The following WDR20 variants were observed in gnomAD, a reference collection of about 807,000 sequenced individuals.
The protein encoded by WDR20 is WD repeat domain 20.
Under a neutral mutation model 38.7 loss-of-function variants are expected in WDR20, and 3 were observed. The ratio of observed to expected loss-of-function variants is 0.08; its 90% CI spans 0.04 to 0.20. WDR20 has a LOEUF of 0.20. WDR20 is among the 10% of genes least tolerant of loss of function. The probability of loss-of-function intolerance (pLI) is 1.00; values close to 1 mark genes in which losing one functional copy is unlikely to be tolerated. For synonymous variants in WDR20, 298 were observed against 285.6 expected (o/e 1.04, Z -0.44); for missense variants, 559 against 727.7 (o/e 0.77, Z 2.67).
At chr14:102,142,754 C>G (rs2051831827) in intron 1 of WDR20, among the ~76,000 whole-genome samples, 1 of 146,140 alleles carries the variant, frequency 6.8e-6, no homozygotes, top group Admixed American at 6.9e-5. Flanking sequence ...CCATGCCCAG[C>G]GCACAGTTGG....
downstream of WDR20, chr14:102,213,164 C>T (rs991386554): frequency 5.7e-5 from 56 of 985,594 alleles, no homozygotes; most frequent in Non-Finnish European, 6.6e-5. Context: ...GCTGTGACTG[C>T]GATGGGGCAG....
chr14:102,146,509 G>C (rs966467328), intron 1 of WDR20, among the ~76,000 whole-genome samples: 7 of 152,184 alleles, frequency 4.6e-5, no homozygotes. Flanking sequence ...GGGGCCAGAA[G>C]AAGAGTCAGT....
At chr14:102,164,221 C>G (rs991922565) in intron 1 of WDR20, among the ~76,000 whole-genome samples, 2 of 152,150 alleles carry the variant, frequency 1.3e-5, no homozygotes, top group Admixed American at 1.3e-4. Context: ...ACCTTTCTCT[C>G]TCTTCCTCAT....
Position 102,222,825 on chromosome 14 carries a change from T to A in WDR20, c.1693-5T>A, listed in dbSNP as rs1401669985. On this transcript the variant is annotated splice_region_variant and splice_polypyrimidine_tract_variant and intron_variant, in intron 3 of 3. Transcript: ENST00000335263. The surrounding 1 kb of genome is among the most constrained non-coding windows in gnomAD (Gnocchi z 4.4). ...CTGGATTAATGTAGACTGCTTTGTTTGCAGGGCTCATTGTCATCCCCAAGC... is the reference window on the plus strand; with the variant it reads ...CTGGATTAATGTAGACTGCTTTGTTAGCAGGGCTCATTGTCATCCCCAAGC... 6.2e-6 allele frequency: 10 copies of A among 1,614,080 alleles called. No individual in the cohort carries two copies. The highest frequency in any genetic ancestry group is 8.5e-6 in the Non-Finnish European group (10 of 1,180,028).
In WDR20 at chr14:102,207,089, C is replaced by T. The variant is rs1390775975; in HGVS notation, c.433-1514C>T. On this transcript the variant is annotated intron_variant, in intron 2 of 2. Transcript: ENST00000342702. This position sits in a 1 kb window ranked among gnomAD's most constrained non-coding sequence, Gnocchi z 5.0. ...GGGATGAAAATACTGGCTGTGTCCC[C>T]AAGGCTGGCTTGCCACGTGCCTATT... Among the ~76,000 whole-genome samples, 1 of 152,206 alleles carries T rather than the reference C, an allele frequency of 6.6e-6. No homozygotes were observed. Among genetic ancestry groups the T allele is most frequent in the Non-Finnish European group, 1.5e-5 (1 of 68,044 alleles).
Position 102,177,245 on chromosome 14 carries a change from C to T in WDR20, c.250-17693C>T, listed in dbSNP as rs2062357141. ...TTCACACACTTGTTTATCTATTTGT[C>T]TCACTCTTTTCTCAAGTGCCTTCCC... On this transcript the variant is annotated intron_variant, in intron 1 of 2. Transcript: ENST00000342702. 2.0e-5 allele frequency among the ~76,000 whole-genome samples: 3 copies of T among 152,344 alleles called. No homozygotes were observed. In the South Asian group the frequency reaches 6.2e-4, roughly 32 times the overall value.
intron 2 of WDR20, among the ~76,000 whole-genome samples, chr14:102,205,210 GTGA>G (rs2152996232): frequency 6.6e-6 from 1 of 151,778 alleles, no homozygotes; most frequent in Non-Finnish European, 1.5e-5. Flanking sequence ...GCAGTGAGCC[GTGA>G]TTGCACCACT....
At chr14:102,194,906 T>C in intron 1 of WDR20, 32 bp from the exon 2 acceptor site, 1 of 1,605,910 alleles carries the variant, frequency 6.2e-7, no homozygotes, top group South Asian at 1.1e-5. Flanking sequence ...AATGTGCTGT[T>C]TACTGTATGT....
chr14:102,173,540 T>A (rs1177377667), intron 1 of WDR20, among the ~76,000 whole-genome samples: 1 of 151,486 alleles, frequency 6.6e-6, no homozygotes, highest in Non-Finnish European at 1.5e-5. Flanking sequence ...AATTCTTCAG[T>A]GGTGATTTCC....
At position 102,158,911 on chromosome 14, in the gene WDR20, CA is replaced by C. The variant is rs569360846; in HGVS notation, c.249+18740del. Among the ~76,000 whole-genome samples, 89 of 152,136 alleles carry C rather than the reference CA, an allele frequency of 5.9e-4. No homozygotes were observed. In the South Asian group the frequency reaches 0.013, roughly 22 times the overall value. ...GTTTCTCTCATTTTAAAACAGTTGT[CA>C]GGGGGAGAGACTCTTTCTGACACCC... On this transcript the variant is annotated intron_variant, in intron 1 of 2. Coordinates refer to ENST00000342702, the MANE Select transcript of WDR20 (RefSeq NM_144574.4).
At position 102,210,104 on chromosome 14, in the gene WDR20, G is replaced by T. The variant is rs140251198; in HGVS notation, c.*224G>T. The T allele has an allele frequency of 2.7e-5, 36 of 1,315,480 alleles. No homozygotes were observed. The African/African-American group carries it at 3.7e-4, about 14-fold the overall frequency. 81.5% of individuals were successfully genotyped at this position (1,315,480 alleles called of 1,614,324 possible). ...ATCAAACTAATTGCCAGCCAAGTCA[G>T]TCATCCTCCTGGGAGTATATAGAGT... On this transcript the variant is annotated 3_prime_UTR_variant, in exon 3 of 3. Transcript: ENST00000342702.
At chr14:102,139,781 GCCCGCCCTCGCAGGGCTGGC>G, upstream of WDR20, 1 of 1,275,792 alleles carries the variant, frequency 7.8e-7, no homozygotes, top group Non-Finnish European at 1.1e-6. Context: ...CTTCCCTTTG[GCCCGCCCTCGCAGGGCTGGC>G]CCGCGGGTGG....
upstream of WDR20, chr14:102,139,749 C>A: frequency 2.1e-6 from 2 of 957,966 alleles, no homozygotes; most frequent in Non-Finnish European, 3.0e-6. Flanking sequence ...CCTGCGCAGT[C>A]GGGCCGTAAA....
chr14:102,208,704 T>A lies in WDR20; in HGVS notation c.534T>A (p.Asn178Lys). 6.2e-7 allele frequency: 1 copy of A among 1,614,192 alleles called. No homozygotes were observed. The highest frequency in any genetic ancestry group is 8.5e-7 in the Non-Finnish European group (1 of 1,180,038). The change falls in exon 3 of 3, where the codon AAT becomes AAA. Residue 178 changes from asparagine (N) to lysine (K), a missense_variant. Coordinates refer to ENST00000342702, the MANE Select transcript of WDR20 (RefSeq NM_144574.4). This position sits in a 1 kb window ranked among gnomAD's most constrained non-coding sequence, Gnocchi z 5.6. Reference protein sequence around the residue: ...AHSSGNMYLYNVEHTCGTTAP... With the variant: ...AHSSGNMYLYKVEHTCGTTAP... ...CGAGTGGGAACATGTACTTATATAA[T>A]GTGGAGCACACTTGTGGCACCACAG...
chr14:102,149,366 A>G (rs2054910301), intron 1 of WDR20, among the ~76,000 whole-genome samples: 2 of 152,120 alleles, frequency 1.3e-5, no homozygotes, highest in African/African-American at 2.4e-5. Context: ...AAAGTAGAGG[A>G]TATGTGCTCT....
At chr14:102,160,212 C>G (rs547581408) in intron 1 of WDR20, among the ~76,000 whole-genome samples, 1 of 152,254 alleles carries the variant, frequency 6.6e-6, no homozygotes, top group East Asian at 1.9e-4. Context: ...ACAATTATCA[C>G]TGTAGTCTAG....
intron 1 of WDR20, among the ~76,000 whole-genome samples, chr14:102,171,758 T>C (rs1432010188): frequency 6.6e-6 from 1 of 151,786 alleles, no homozygotes; most frequent in Non-Finnish European, 1.5e-5. Flanking sequence ...TAAAACAAAT[T>C]TTATAGAATT....
chr14:102,156,267 A>G (rs1474433555), intron 1 of WDR20, among the ~76,000 whole-genome samples: 1 of 150,850 alleles, frequency 6.6e-6, no homozygotes, highest in South Asian at 2.1e-4. Context: ...TCCCGGGTTC[A>G]CGCCATTCTC....
chr14:102,148,698 TGTGTG>T (rs746661473), intron 1 of WDR20, among the ~76,000 whole-genome samples: 2,350 of 151,278 alleles, frequency 0.016, 48 homozygotes, highest in South Asian at 0.094. Context: ...TGTGTGTGTG[TGTGTG>T]TGTGTTTGGA....
Sources: gnomAD v4.1 joint callset for allele counts (sites outside exome capture counted in the v4.1 genomes callset) on GRCh38, gnomAD v4.1.1 for gene constraint, Gnocchi (gnomAD v3.1) non-coding constraint, MANE v1.5 for transcripts, NCBI Gene and HGNC (gene_info 2026-07-23, HGNC 2026-07-21) for gene names.